The following AVL9 variants were observed in gnomAD, a reference collection of about 807,000 sequenced individuals.
The protein encoded by AVL9 is late secretory pathway protein AVL9 homolog.
A neutral mutation model predicts 79.2 loss-of-function variants in AVL9; 49 were observed. The ratio of observed to expected loss-of-function variants is 0.62; its 90% CI spans 0.49 to 0.79. The LOEUF (loss-of-function observed/expected upper bound fraction) is 0.79. Ranked by LOEUF, AVL9 falls within the 30% of genes least tolerant of loss-of-function variation. AVL9 has a pLI of 0.00. For missense variants in AVL9, 682 were observed against 776.8 expected (o/e 0.88, Z 1.45); for synonymous variants, 299 against 280.6 (o/e 1.07, Z -0.65).
At chr7:32,568,557 T>A (rs2128147289) in intron 10 of AVL9, among the ~76,000 whole-genome samples, 1 of 152,336 alleles carries the variant, frequency 6.6e-6, no homozygotes, top group African/African-American at 2.4e-5. Context: ...GTTCATTGTA[T>A]GGATGAACAT....
Position 32,499,045 on chromosome 7 carries a change from CCCAGCT to C in AVL9, c.93+3244_93+3249del, listed in dbSNP as rs1786996529. Among the ~76,000 whole-genome samples the C allele has an allele frequency of 3.6e-5, 5 of 138,018 alleles. 1 individual carries two copies. The highest frequency in any genetic ancestry group is 7.6e-5 in the Admixed American group (1 of 13,128). The allele number at this position is 138,018 out of a possible 152,430, so 90.5% of individuals were successfully genotyped here. A position where few individuals can be genotyped will look rare whatever the true frequency, so the allele number is the denominator to read the frequency against. On this transcript the variant is annotated intron_variant, in intron 1 of 15. Transcript: ENST00000318709. ...GCGCGTGGTGGCACATGCCTGTGAT[CCCAGCT>C]ACTTGGGAGGCTGAGGCAGGAGATT...
intron 8 of AVL9, among the ~76,000 whole-genome samples, chr7:32,558,266 T>C (rs1167157460): frequency 6.6e-6 from 1 of 151,562 alleles, no homozygotes; most frequent in Middle Eastern, 3.2e-3. Flanking sequence ...CAAGTGATTC[T>C]CCTGCCTCAG....
At chr7:32,509,719 C>T (rs947110434) in intron 1 of AVL9, among the ~76,000 whole-genome samples, 43 of 152,046 alleles carry the variant, frequency 2.8e-4, no homozygotes, top group African/African-American at 8.5e-4. Context: ...GGCGTGGTGG[C>T]GGGCGCCTGT....
intron 8 of AVL9, among the ~76,000 whole-genome samples, chr7:32,556,584 TA>T (rs368909456): frequency 1.3e-5 from 2 of 151,162 alleles, no homozygotes; most frequent in African/African-American, 4.9e-5. Flanking sequence ...GTTTTTTTTT[TA>T]AAAATGAACC....
chr7:32,546,069 C>CTTTTTTTTTT (rs57046702), intron 3 of AVL9, among the ~76,000 whole-genome samples: 18,629 of 97,126 alleles, frequency 0.19, 2,042 homozygotes, highest in Admixed American at 0.36. Flanking sequence ...TACCTGGAGA[C>CTTTTTTTTTT]TTTTTTTTTT....
rs756770057 is a variant in AVL9, at chr7:32,588,550, CTT to C, written c.*4645_*4646del. ...ATGTTTTGATCAGAAAGGTAGTTCT[CTT>C]TGCTCTGGTAGTTTTAAAGTTTGTA... On this transcript the variant is annotated 3_prime_UTR_variant, in exon 16 of 16. Transcript: ENST00000318709. The C allele has an allele frequency of 6.6e-6, 1 of 152,142 alleles. No homozygotes were observed. Among genetic ancestry groups the C allele is most frequent in the Admixed American group, 6.5e-5 (1 of 15,280 alleles). 9.4% of individuals were successfully genotyped at this position (152,142 alleles called of 1,614,324 possible).
At position 32,543,051 on chromosome 7, in the gene AVL9, T is replaced by G. The variant is rs1056851596; in HGVS notation, c.94-90T>G. On this transcript the variant is annotated intron_variant, in intron 1 of 15. Transcript: ENST00000318709. Reference sequence around the variant, plus strand: ...ACAGTGTGGCTTATCCCGACTTCTGTCATTCAGGGTTTAAAAGCATTTTTA... The same window carrying G: ...ACAGTGTGGCTTATCCCGACTTCTGGCATTCAGGGTTTAAAAGCATTTTTA... 2.6e-4 allele frequency: 390 copies of G among 1,529,148 alleles called. 3 individuals carry two copies. The Admixed American group carries it at 6.9e-3, about 27-fold the overall frequency. 94.7% of individuals were successfully genotyped at this position (1,529,148 alleles called of 1,614,324 possible).
In AVL9 at chr7:32,552,281, C is replaced by T; in HGVS notation, c.515C>T (p.Ser172Phe). The T allele has an allele frequency of 1.3e-6, 2 of 1,599,296 alleles. No homozygotes were observed. The highest frequency in any genetic ancestry group is 1.7e-6 in the Non-Finnish European group (2 of 1,167,706). The change falls in exon 6 of 16, where the codon TCC becomes TTC. Residue 172 changes from serine to phenylalanine, a missense_variant. Physicochemically the swap from Ser to Phe is radical, Grantham distance 155. Transcript: ENST00000318709. The stretch of plus-strand genomic sequence containing the variant: ...TTGGGAGGTGCTTCATTAGAAGGAT[C>T]CCAAGTATATCTTGGTAAGTAACTG... Reference protein sequence around the residue: ...SSLGGASLEGSQVYLGLSPRD... With the variant: ...SSLGGASLEGFQVYLGLSPRD...
chr7:32,549,653 G>A (rs1452383141), intron 4 of AVL9, among the ~76,000 whole-genome samples: 1 of 151,626 alleles, frequency 6.6e-6, no homozygotes, highest in Non-Finnish European at 1.5e-5. Context: ...GGTGGCTCAC[G>A]CCTGTAATAC....
At chr7:32,548,144 C>CTGTCTTTTTTTTTTTTTTTTTTTT (rs1227025763) in intron 3 of AVL9, among the ~76,000 whole-genome samples, 1 of 57,596 alleles carries the variant, frequency 1.7e-5, no homozygotes, top group African/African-American at 5.4e-5. Flanking sequence ...TTTGTCATCT[C>CTGTCTTTTTTTTTTTTTTTTTTTT]TTTTTTCTTT....
intron 1 of AVL9, chr7:32,538,107 A>G (rs1019072162): frequency 3.3e-5 from 5 of 152,368 alleles, no homozygotes; most frequent in African/African-American, 1.2e-4. Flanking sequence ...AGCTAGAACC[A>G]TCTAAAACTG....
chr7:32,560,195 C>T (rs1790271670), intron 10 of AVL9, among the ~76,000 whole-genome samples: 1 of 151,624 alleles, frequency 6.6e-6, no homozygotes, highest in Admixed American at 6.6e-5. Context: ...GACTGGGTGA[C>T]AGAGGGAGAC....
intron 1 of AVL9, among the ~76,000 whole-genome samples, chr7:32,508,228 A>G (rs549155139): frequency 6.6e-6 from 1 of 152,302 alleles, no homozygotes; most frequent in African/African-American, 2.4e-5. Context: ...GGTCAACTAT[A>G]TTAGTCTTTC....
intron 3 of AVL9, among the ~76,000 whole-genome samples, chr7:32,548,459 C>A (rs986916805): frequency 2.6e-5 from 4 of 152,074 alleles, no homozygotes; most frequent in African/African-American, 9.7e-5. Flanking sequence ...TTTGTCGTCT[C>A]TTAAACTAGC....
intron 1 of AVL9, among the ~76,000 whole-genome samples, chr7:32,524,658 A>G (rs1203326264): frequency 6.6e-6 from 1 of 152,008 alleles, no homozygotes; most frequent in Non-Finnish European, 1.5e-5. Flanking sequence ...GAGAAATGTT[A>G]ATTGGACACA....
intron 1 of AVL9, among the ~76,000 whole-genome samples, chr7:32,522,861 G>A (rs1281639616): frequency 6.6e-6 from 1 of 152,024 alleles, no homozygotes; most frequent in Non-Finnish European, 1.5e-5. Context: ...TGCTATTCTC[G>A]TGATAGTGAA....
intron 3 of AVL9, among the ~76,000 whole-genome samples, chr7:32,548,152 T>TTTTGTTTTCTTTTTGTTTTTG (rs1554340937): frequency 2.1e-4 from 9 of 43,586 alleles, no homozygotes; most frequent in African/African-American, 2.9e-4. Flanking sequence ...CTCTTTTTTC[T>TTTTGTTTTCTTTTTGTTTTTG]TTTTTTTTTT....
chr7:32,527,977 A>T (rs904461485), intron 1 of AVL9, among the ~76,000 whole-genome samples: 1 of 152,114 alleles, frequency 6.6e-6, no homozygotes, highest in Non-Finnish European at 1.5e-5. Context: ...ATTAACATCA[A>T]CACAGACCTT....
intron 10 of AVL9, among the ~76,000 whole-genome samples, chr7:32,566,739 C>A (rs1790594248): frequency 6.6e-6 from 1 of 151,824 alleles, no homozygotes; most frequent in Non-Finnish European, 1.5e-5. Flanking sequence ...AGAAATTAGC[C>A]AGGCATGGTG....
Sources: allele counts gnomAD v4.1 joint callset (sites outside exome capture counted in the v4.1 genomes callset), GRCh38; gene constraint gnomAD v4.1.1; transcripts MANE v1.5; gene names NCBI Gene and HGNC (gene_info 2026-07-23, HGNC 2026-07-21).